The following PAAF1 variants were observed in gnomAD, a reference collection of about 807,000 sequenced individuals.
The protein encoded by PAAF1 is proteasomal ATPase associated factor 1, also known as proteasomal ATPase-associated factor 1.
PAAF1 carries 46 observed loss-of-function variants against 52.8 expected under a neutral mutation model. The observed-to-expected ratio is 0.87, with a 90% CI of 0.69 to 1.11. PAAF1 has a LOEUF of 1.11. Among genes scored for constraint, PAAF1 ranks in the 50% most tolerant of loss-of-function variants. The probability of loss-of-function intolerance (pLI) is 0.00; values close to 1 mark genes in which losing one functional copy is unlikely to be tolerated. For missense variants in PAAF1, 424 were observed against 477.4 expected, an observed-to-expected ratio of 0.89 and a Z score of 1.04; for synonymous variants, 178 against 172.8, an observed-to-expected ratio of 1.03 and a Z score of -0.24.
chr11:73,909,664 CT>C, intron 7 of PAAF1, 71 bp downstream of exon 7: 1 of 1,397,254 alleles, frequency 7.2e-7, no homozygotes, highest in Middle Eastern at 1.8e-4. Context: ...TTAGTTTCTC[CT>C]TTTCTTCCTC....
At chr11:73,926,582 G>A (rs1438605763) in intron 11 of PAAF1, among the ~76,000 whole-genome samples, 1 of 152,256 alleles carries the variant, frequency 6.6e-6, no homozygotes, top group East Asian at 1.9e-4. Flanking sequence ...GGTGGTGGGT[G>A]TGTGTAGTCC....
At chr11:73,908,158 G>A (rs1409263762) in intron 6 of PAAF1, among the ~76,000 whole-genome samples, 1 of 151,692 alleles carries the variant, frequency 6.6e-6, no homozygotes, top group Non-Finnish European at 1.5e-5. Context: ...TTTTTCAAAT[G>A]GGGAGGCTAA....
intron 2 of PAAF1, among the ~76,000 whole-genome samples, chr11:73,884,732 C>T (rs1206218649): frequency 6.6e-6 from 1 of 152,212 alleles, no homozygotes; most frequent in Non-Finnish European, 1.5e-5. Flanking sequence ...TTCTCTAGGC[C>T]AAACTTCTAC....
At chr11:73,888,110 TAAATAATACTAA>T (rs1333277979) in intron 3 of PAAF1, among the ~76,000 whole-genome samples, 1 of 152,224 alleles carries the variant, frequency 6.6e-6, no homozygotes, top group Non-Finnish European at 1.5e-5. Flanking sequence ...TTTCAACCTG[TAAATAATACTAA>T]AAATTATTAG....
chr11:73,926,112 TTTC>T (rs1591143977), intron 11 of PAAF1, among the ~76,000 whole-genome samples: 1 of 131,972 alleles, frequency 7.6e-6, no homozygotes, highest in Non-Finnish European at 1.7e-5. Flanking sequence ...TCTTTCTTTC[TTTC>T]TTTTTTTTGA....
intron 6 of PAAF1, among the ~76,000 whole-genome samples, chr11:73,906,692 CTCATCTTTT>C (rs1949765839): frequency 6.6e-6 from 1 of 152,192 alleles, no homozygotes; most frequent in Non-Finnish European, 1.5e-5. Context: ...TTTTCTTAAA[CTCATCTTTT>C]TCTAAACAAA....
At chr11:73,898,261 A>AG (rs1565135484) in intron 4 of PAAF1, among the ~76,000 whole-genome samples, 3 of 151,026 alleles carry the variant, frequency 2.0e-5, no homozygotes, top group Admixed American at 2.0e-4. Flanking sequence ...GGAGAGGGAG[A>AG]GGGAGAGGAA....
At chr11:73,877,522 C>T (rs1948776258) in intron 1 of PAAF1, among the ~76,000 whole-genome samples, 1 of 152,078 alleles carries the variant, frequency 6.6e-6, no homozygotes, top group East Asian at 1.9e-4. Context: ...GTGTCCAGGC[C>T]CCATACTGGA....
chr11:73,877,945 A>G (rs1015461339), intron 1 of PAAF1, among the ~76,000 whole-genome samples: 1 of 152,160 alleles, frequency 6.6e-6, no homozygotes, highest in Non-Finnish European at 1.5e-5. Context: ...CATTCATCTA[A>G]CATTTATTGA....
intron 3 of PAAF1, among the ~76,000 whole-genome samples, chr11:73,888,529 G>T (rs2135141308): frequency 6.6e-6 from 1 of 152,300 alleles, no homozygotes; most frequent in Non-Finnish European, 1.5e-5. Flanking sequence ...GATTCCGTAA[G>T]GGTGGACCAG....
rs1182592554 is a variant in PAAF1 at position 73,916,549 on chromosome 11, T to C, written c.824T>C (p.Phe275Ser). The C allele has an allele frequency of 6.2e-7, 1 of 1,609,546 alleles. No homozygotes were observed. The highest frequency in any genetic ancestry group is 1.3e-5 in the African/African-American group (1 of 74,848). ...TTGCCTCCTACTTGTTCCCAGGTGTTCCTCTTTATTGGCTCAGACGCTTTC... is the reference window on the plus strand; with the variant it reads ...TTGCCTCCTACTTGTTCCCAGGTGTCCCTCTTTATTGGCTCAGACGCTTTC... ...CLGLQSRQLV[F>S]LFIGSDAFNC... Residue 275 changes from phenylalanine to serine, a missense_variant, in exon 9 of 12, where the codon TTC becomes TCC. Phe to Ser is a radical substitution (Grantham distance 155). Transcript: ENST00000310571.
chr11:73,910,514 T>C (rs536288917), intron 7 of PAAF1, among the ~76,000 whole-genome samples: 49 of 152,276 alleles, frequency 3.2e-4, no homozygotes, highest in Admixed American at 2.7e-3. Flanking sequence ...ATGGGTTGAA[T>C]AGCTGTGGTG....
intron 10 of PAAF1, chr11:73,922,006 C>A: frequency 1.2e-6 from 1 of 815,338 alleles, no homozygotes; most frequent in South Asian, 1.3e-5. Context: ...CTGTCAGCTT[C>A]ATTCTTAACT....
intron 2 of PAAF1, among the ~76,000 whole-genome samples, chr11:73,882,123 C>T (rs1471871019): frequency 2.0e-5 from 3 of 151,974 alleles, no homozygotes; most frequent in Non-Finnish European, 2.9e-5. Flanking sequence ...TCAGGTGACC[C>T]GCCTGCCTCA....
intron 2 of PAAF1, among the ~76,000 whole-genome samples, chr11:73,881,000 C>CTAAA (rs1001984508): frequency 4.6e-5 from 7 of 151,978 alleles, no homozygotes; most frequent in South Asian, 2.1e-4. Context: ...AACTCCATCT[C>CTAAA]TAAATAAATA....
intron 2 of PAAF1, among the ~76,000 whole-genome samples, chr11:73,884,863 CTTT>C (rs1201853305): frequency 1.4e-5 from 2 of 143,976 alleles, no homozygotes. Flanking sequence ...TTCTTTTATT[CTTT>C]TTTTTTTTTT....
chr11:73,905,230 C>CTTTTTTTTTTTTTTTTTTTTT (rs370887715), intron 6 of PAAF1, among the ~76,000 whole-genome samples: 1 of 146,678 alleles, frequency 6.8e-6, no homozygotes, highest in Non-Finnish European at 1.5e-5. Flanking sequence ...TTGCTGCTTT[C>CTTTTTTTTTTTTTTTTTTTTT]TTTTTTTTTT....
At position 73,914,450 on chromosome 11, in the gene PAAF1, C is replaced by T. The variant is rs150921516; in HGVS notation, c.765C>T (p.Leu255=). 5.0e-6 allele frequency: 8 copies of T among 1,613,920 alleles called. No individual in the cohort carries two copies. Among genetic ancestry groups the T allele is most frequent in the African/African-American group, 1.3e-5 (1 of 74,896 alleles). Residue 255 remains leucine (L), a synonymous_variant, in exon 8 of 12, where the codon CTC becomes CTT. Transcript: ENST00000310571. The part of the protein sequence containing the change: ...REVGTEAKML[L]LAREDKKLQC... Reference sequence around the variant, plus strand: ...TTGGAACAGAGGCCAAAATGCTGCTCTTGGCCCGGGAAGATAAGAAACTTC... The same window carrying T: ...TTGGAACAGAGGCCAAAATGCTGCTTTTGGCCCGGGAAGATAAGAAACTTC...
At chr11:73,899,620 C>T (rs952874973) in intron 5 of PAAF1, among the ~76,000 whole-genome samples, 2 of 152,096 alleles carry the variant, frequency 1.3e-5, no homozygotes, top group Non-Finnish European at 2.9e-5. Flanking sequence ...CCATGTCGGC[C>T]AGGCTGGTTT....
Sources: gnomAD v4.1 joint callset for allele counts (sites outside exome capture counted in the v4.1 genomes callset) on GRCh38, gnomAD v4.1.1 for gene constraint, MANE v1.5 for transcripts, NCBI Gene and HGNC (gene_info 2026-07-23, HGNC 2026-07-21) for gene names.